DMD: variants seen among roughly 807,000 people sequenced by gnomAD.
The protein encoded by DMD is dystrophin.
Under a neutral mutation model 330.1 loss-of-function variants are expected in DMD, and 63 were observed. That is an observed-to-expected ratio of 0.19 (90% CI 0.16 to 0.24). DMD has a LOEUF of 0.24. Among genes scored for constraint, DMD ranks in the 10% least tolerant of loss-of-function variants. DMD has a pLI of 1.00. For missense variants in DMD, 3,344 were observed against 2,684.1 expected (o/e 1.25, Z -5.43); for synonymous variants, 1,223 against 959.8 (o/e 1.27, Z -5.07).
At chrX:32,454,542 C>T in intron 26 of DMD, 120 bp downstream of exon 26, 1 of 540,948 alleles carries the variant, frequency 1.8e-6, no homozygotes, top group Admixed American at 4.0e-5. Flanking sequence ...AATTAAAAAT[C>T]AACCTCTTCT....
chrX:32,523,812 C>T (rs756473202), intron 17 of DMD, among the ~76,000 whole-genome samples: 15 of 111,713 alleles, frequency 1.3e-4, no homozygotes, highest in African/African-American at 4.6e-4. Flanking sequence ...AGCCTTTCTG[C>T]TCCTATAACA....
intron 2 of DMD, among the ~76,000 whole-genome samples, chrX:32,973,296 C>T (rs1298651446): frequency 8.9e-6 from 1 of 111,968 alleles, no homozygotes; most frequent in Non-Finnish European, 1.9e-5. Context: ...ATAAAACATG[C>T]CCTTTATGGC....
At chrX:32,711,202 T>C (rs757507119) in intron 7 of DMD, among the ~76,000 whole-genome samples, 1 of 111,789 alleles carries the variant, frequency 8.9e-6, no homozygotes, top group Non-Finnish European at 1.9e-5. Context: ...ATATGCTAAA[T>C]ACCACATAAC....
intron 18 of DMD, among the ~76,000 whole-genome samples, chrX:32,504,754 C>T (rs889851387): frequency 1.8e-5 from 2 of 111,340 alleles, no homozygotes; most frequent in Non-Finnish European, 3.8e-5. Context: ...CTGCGGACTA[C>T]TAGAGTGGGG....
intron 44 of DMD, among the ~76,000 whole-genome samples, chrX:32,189,855 G>A (rs1569549744): frequency 9.0e-6 from 1 of 110,822 alleles, no homozygotes; most frequent in East Asian, 2.8e-4. Context: ...TGGTCCCATA[G>A]CACTTATCAT....
chrX:33,036,066 A>G (rs756007096), intron 1 of DMD, among the ~76,000 whole-genome samples: 3 of 111,828 alleles, frequency 2.7e-5, no homozygotes, highest in African/African-American at 9.7e-5. Context: ...CTAGCTGAGG[A>G]GTCAAACTAA....
At chrX:31,912,166 T>G (rs2094556120) in intron 47 of DMD, among the ~76,000 whole-genome samples, 1 of 110,946 alleles carries the variant, frequency 9.0e-6, no homozygotes, top group African/African-American at 3.3e-5. Context: ...CCTGACCCAC[T>G]ACCGCTTTCT....
At chrX:32,673,138 A>G (rs955360599) in intron 9 of DMD, among the ~76,000 whole-genome samples, 1 of 111,123 alleles carries the variant, frequency 9.0e-6, no homozygotes, top group African/African-American at 3.3e-5. Flanking sequence ...TCTAGTTTAT[A>G]TGGACTTTGG....
chrX:32,247,600 A>G (rs2097245380), intron 43 of DMD, among the ~76,000 whole-genome samples: 2 of 111,124 alleles, frequency 1.8e-5, no homozygotes, highest in Non-Finnish European at 3.8e-5. Context: ...TAAACTTTCC[A>G]TTATCTGGAT....
At chrX:33,320,885 G>C (rs1184756287) in intron 1 of DMD, among the ~76,000 whole-genome samples, 1 of 112,118 alleles carries the variant, frequency 8.9e-6, no homozygotes, top group Non-Finnish European at 1.9e-5. Flanking sequence ...TTCACCAGAA[G>C]TAAATTTTAT....
chrX:32,794,727 G>A (rs1003214070), intron 7 of DMD, among the ~76,000 whole-genome samples: 10 of 112,361 alleles, frequency 8.9e-5, no homozygotes. Context: ...AGAAATCGTT[G>A]TCCAAGTACT....
chrX:31,776,324 T>A (rs1243311289), intron 50 of DMD, among the ~76,000 whole-genome samples: 1 of 110,309 alleles, frequency 9.1e-6, no homozygotes, highest in Non-Finnish European at 1.9e-5. Flanking sequence ...TTATGGGAAG[T>A]GTCAGAAAAT....
intron 54 of DMD, among the ~76,000 whole-genome samples, chrX:31,642,957 T>C (rs867332411): frequency 1.8e-5 from 2 of 112,224 alleles, no homozygotes; most frequent in Admixed American, 9.5e-5. Flanking sequence ...TATCAAATTG[T>C]TGAATTAAAT....
At chrX:32,514,734 G>A (rs1262073194) in intron 18 of DMD, among the ~76,000 whole-genome samples, 1 of 112,379 alleles carries the variant, frequency 8.9e-6, no homozygotes, top group African/African-American at 3.2e-5. Flanking sequence ...GCGAGACTCC[G>A]TCTCAAAAAA....
chrX:31,977,386 A>G (rs1569526229), intron 44 of DMD, among the ~76,000 whole-genome samples: 1 of 111,670 alleles, frequency 9.0e-6, no homozygotes, highest in Non-Finnish European at 1.9e-5. Context: ...ATAACAAGTT[A>G]TTAAGGAAAG....
intron 60 of DMD, among the ~76,000 whole-genome samples, chrX:31,352,570 A>G (rs1410984697): frequency 8.9e-6 from 1 of 112,074 alleles, no homozygotes; most frequent in African/African-American, 3.2e-5. Context: ...TTGCCTTCTT[A>G]TACAAGGAGC....
At chrX:31,310,429 ATAAG>A (rs1334045004) in intron 62 of DMD, among the ~76,000 whole-genome samples, 1 of 109,872 alleles carries the variant, frequency 9.1e-6, no homozygotes, top group Non-Finnish European at 1.9e-5. Flanking sequence ...TAGTATTGAT[ATAAG>A]TAAGAGCGAG....
intron 17 of DMD, among the ~76,000 whole-genome samples, chrX:32,541,525 T>A (rs1421143564): frequency 1.8e-5 from 2 of 112,316 alleles, no homozygotes; most frequent in Admixed American, 1.9e-4. Flanking sequence ...TTGCCTGCGC[T>A]CATAAGCTAG....
At chrX:31,184,289 C>T (rs986849856) in intron 67 of DMD, among the ~76,000 whole-genome samples, 4 of 112,032 alleles carry the variant, frequency 3.6e-5, no homozygotes, top group African/African-American at 1.3e-4. Flanking sequence ...ACTCCACTTT[C>T]GTCTATCTCT....
Sources: allele counts gnomAD v4.1 joint callset (sites outside exome capture counted in the v4.1 genomes callset), GRCh38; gene constraint gnomAD v4.1.1; transcripts MANE v1.5; gene names NCBI Gene and HGNC (gene_info 2026-07-23, HGNC 2026-07-21).